MAP4: variants seen among roughly 807,000 people sequenced by gnomAD.
The protein encoded by MAP4 is microtubule-associated protein 4.
Under a neutral mutation model 170.2 loss-of-function variants are expected in MAP4, and 76 were observed. The observed-to-expected ratio is 0.45, with a 90% CI of 0.37 to 0.54. The LOEUF (loss-of-function observed/expected upper bound fraction) is 0.54, where lower values mean the gene tolerates loss of function less well. Ranked by LOEUF, MAP4 falls within the 20% of genes least tolerant of loss-of-function variation. The pLI, the probability that MAP4 is intolerant of heterozygous loss-of-function variation, is 0.00. For missense variants in MAP4, 2,506 were observed against 2,748.0 expected (o/e 0.91, Z 1.97); for synonymous variants, 909 against 994.5 (o/e 0.91, Z 1.62).
chr3:47,852,924 C>T lies in MAP4; in HGVS notation c.*10G>A, dbSNP rs1490532610. 8.7e-6 allele frequency: 14 copies of T among 1,612,084 alleles called. No homozygotes were observed. The highest frequency in any genetic ancestry group is 1.2e-5 in the Non-Finnish European group (14 of 1,178,848). The stretch of plus-strand genomic sequence containing the variant: ...CCCTGGCATTTGCCCGGAACGTCAG[C>T]CTGTAGGTCTCAATCTGCAGTGACA... On this transcript the variant is annotated 3_prime_UTR_variant, in exon 21 of 21. Coordinates refer to ENST00000683076, the MANE Select transcript of MAP4 (RefSeq NM_001385682.1).
intron 3 of MAP4, among the ~76,000 whole-genome samples, chr3:47,943,263 G>T (rs565188596): frequency 6.6e-6 from 1 of 151,904 alleles, no homozygotes; most frequent in South Asian, 2.1e-4. Context: ...CTATATTAGC[G>T]TCCTTCTCCA....
At chr3:47,932,260 A>G (rs534152609) in intron 3 of MAP4, among the ~76,000 whole-genome samples, 37 of 152,272 alleles carry the variant, frequency 2.4e-4, no homozygotes, top group African/African-American at 8.4e-4. Context: ...TGGTAACTGA[A>G]CTTTATTCCT....
chr3:47,867,544 G>C (rs973476662), intron 16 of MAP4, among the ~76,000 whole-genome samples: 11 of 148,478 alleles, frequency 7.4e-5, no homozygotes, highest in African/African-American at 2.7e-4. Flanking sequence ...AACGTGAACA[G>C]ACAACACAAC....
chr3:47,974,409 T>A, intron 3 of MAP4: 1 of 938,354 alleles, frequency 1.1e-6, no homozygotes, highest in Non-Finnish European at 1.3e-6. Context: ...TAGGCAAGAG[T>A]GAGACCCTGT....
chr3:47,973,920 C>T (rs1394036713), intron 3 of MAP4: 1 of 984,984 alleles, frequency 1.0e-6, no homozygotes, highest in African/African-American at 1.7e-5. Flanking sequence ...TAAGCATAAC[C>T]TCTTTCCTTT....
intron 18 of MAP4, among the ~76,000 whole-genome samples, chr3:47,856,191 C>G (rs1184156032): frequency 6.6e-6 from 1 of 152,210 alleles, no homozygotes; most frequent in African/African-American, 2.4e-5. Context: ...TTCTCCTGTT[C>G]TTCCATCTCC....
intron 1 of MAP4, among the ~76,000 whole-genome samples, chr3:48,063,332 AC>A (rs1559886685): frequency 2.0e-5 from 3 of 151,910 alleles, no homozygotes. Context: ...GCTACTCAGG[AC>A]GCTAAGCCAA....
rs1024500389 is a variant in MAP4 at position 47,943,050 on chromosome 3, T to C, written c.293-14700A>G. On this transcript the variant is annotated intron_variant, in intron 3 of 20. Coordinates refer to ENST00000683076, the MANE Select transcript of MAP4 (RefSeq NM_001385682.1). ...GATTGCTTGAGCCAGGATTTCAAGA[T>C]TGCAGTGAGCTATGATAGAACCACT... 3.3e-5 allele frequency among the ~76,000 whole-genome samples: 5 copies of C among 152,066 alleles called. No homozygotes were observed. The East Asian group carries it at 5.8e-4, about 18-fold the overall frequency.
At chr3:47,953,996 AGAGT>A (rs930469062) in intron 3 of MAP4, among the ~76,000 whole-genome samples, 18 of 151,906 alleles carry the variant, frequency 1.2e-4, no homozygotes, top group African/African-American at 4.1e-4. Flanking sequence ...CCTGGGTGAC[AGAGT>A]GAGACTCTGT....
intron 1 of MAP4, among the ~76,000 whole-genome samples, chr3:48,083,398 C>T (rs1559921555): frequency 6.6e-6 from 1 of 152,172 alleles, no homozygotes; most frequent in South Asian, 2.1e-4. Flanking sequence ...GAGACAGTCT[C>T]GCTGTAGCCC....
At chr3:47,921,984 G>T (rs1320407225) in intron 4 of MAP4, 106 bp from the exon 5 acceptor site, 17 of 627,388 alleles carry the variant, frequency 2.7e-5, no homozygotes, top group Non-Finnish European at 2.8e-6. Flanking sequence ...GTCTTGCTCT[G>T]TTGCCAAGGC....
At chr3:48,032,977 C>A (rs1367530571) in intron 1 of MAP4, among the ~76,000 whole-genome samples, 1 of 152,146 alleles carries the variant, frequency 6.6e-6, no homozygotes, top group East Asian at 1.9e-4. Flanking sequence ...AGAAACAAAA[C>A]AAAGTAACTT....
At chr3:47,966,228 C>CTTTTTTTTTTTTTTTTTTTT (rs757460367) in intron 3 of MAP4, among the ~76,000 whole-genome samples, 1 of 50,218 alleles carries the variant, frequency 2.0e-5, no homozygotes, top group Non-Finnish European at 3.6e-5. Flanking sequence ...CCCACACTAC[C>CTTTTTTTTTTTTTTTTTTTT]TTTTTTTTTT....
At chr3:48,061,646 G>T (rs1274560199) in intron 1 of MAP4, among the ~76,000 whole-genome samples, 1 of 145,354 alleles carries the variant, frequency 6.9e-6, no homozygotes, top group African/African-American at 2.6e-5. Context: ...TCTCTGCCTG[G>T]CCGCCCATCG....
chr3:47,863,921 G>GGTGGGTGTGTGTGTGTGT (rs2073943757), intron 17 of MAP4, among the ~76,000 whole-genome samples: 1 of 110,794 alleles, frequency 9.0e-6, no homozygotes, highest in African/African-American at 4.6e-5. Flanking sequence ...TGTGGGTGTG[G>GGTGGGTGTGTGTGTGTGT]GTGTGTGTGT....
chr3:47,936,994 A>G (rs972149470), intron 3 of MAP4, among the ~76,000 whole-genome samples: 4 of 151,512 alleles, frequency 2.6e-5, no homozygotes, highest in African/African-American at 7.3e-5. Flanking sequence ...AAAAAAAAAA[A>G]AAAGAAAAGA....
chr3:47,857,767 G>A (rs2059108159), intron 17 of MAP4, among the ~76,000 whole-genome samples: 1 of 151,276 alleles, frequency 6.6e-6, no homozygotes, highest in South Asian at 2.1e-4. Flanking sequence ...GGAGTACAGT[G>A]GTACGATCTC....
chr3:48,087,687 C>A, intron 1 of MAP4, among the ~76,000 whole-genome samples: 1 of 151,704 alleles, frequency 6.6e-6, no homozygotes, highest in East Asian at 1.9e-4. Context: ...GGGAAATGGG[C>A]GGGAGACGCG....
At chr3:47,933,865 G>T (rs1458644852) in intron 3 of MAP4, among the ~76,000 whole-genome samples, 1 of 152,182 alleles carries the variant, frequency 6.6e-6, no homozygotes, top group Non-Finnish European at 1.5e-5. Flanking sequence ...GCCTCCCAAA[G>T]TGCTGGGATG....
Sources: allele counts gnomAD v4.1 joint callset (sites outside exome capture counted in the v4.1 genomes callset), GRCh38; gene constraint gnomAD v4.1.1; transcripts MANE v1.5; gene names NCBI Gene and HGNC (gene_info 2026-07-23, HGNC 2026-07-21).